Variants in FAM178B observed in about 807,000 individuals in gnomAD.
FAM178B encodes family with sequence similarity 178 member B.
In FAM178B, 82 loss-of-function variants were observed where a neutral mutation model predicts 91.7. The observed-to-expected ratio is 0.89, with a 90% CI of 0.75 to 1.07. FAM178B has a LOEUF of 1.07. FAM178B is among the 50% of genes least tolerant of loss of function. The pLI, the probability that FAM178B is intolerant of heterozygous loss-of-function variation, is 0.00. For missense variants in FAM178B, 769 were observed against 846.7 expected (o/e 0.91, Z 1.14); for synonymous variants, 368 against 359.4 (o/e 1.02, Z -0.27).
At chr2:96,883,488 C>T (rs953631232) in intron 14 of FAM178B, among the ~76,000 whole-genome samples, 3 of 152,210 alleles carry the variant, frequency 2.0e-5, no homozygotes, top group African/African-American at 4.8e-5. Context: ...GTCTTAACCC[C>T]GGGCAAGTCT....
rs914418574 is a variant in FAM178B, at chr2:96,935,063, C to T, written c.1079-5743G>A. On this transcript the variant is annotated intron_variant, in intron 8 of 16. Transcript: ENST00000490605. Reference sequence around the variant, plus strand: ...ACCTAATACCAGCAAGCACTCGAGGCCCCCGGTATGCGTGACAGAGCGACA... The same window carrying T: ...ACCTAATACCAGCAAGCACTCGAGGTCCCCGGTATGCGTGACAGAGCGACA... Among the ~76,000 whole-genome samples the T allele has an allele frequency of 4.6e-5, 7 of 152,178 alleles. No individual in the cohort carries two copies. The South Asian group carries it at 6.2e-4, about 13-fold the overall frequency.
Position 96,967,576 on chromosome 2 carries a change from G to T in FAM178B, c.678C>A (p.Leu226=). 6.4e-7 allele frequency: 1 copy of T among 1,550,672 alleles called. No individual in the cohort carries two copies. The highest frequency in any genetic ancestry group is 8.7e-7 in the Non-Finnish European group (1 of 1,146,924). Residue 226 remains leucine, a synonymous_variant, in exon 5 of 17, where the codon CTC becomes CTA. Transcript: ENST00000490605. The stretch of plus-strand genomic sequence containing the variant: ...CATCAAGATCCAAGGAGTTGAGATT[G>T]AGACACTCCTGCAGAAGCAGCCTCT... The part of the protein sequence containing the change: ...ERERLLLQEC[L]NLNSLDLDEE...
At chr2:96,959,401 C>T (rs138516114) in intron 6 of FAM178B, among the ~76,000 whole-genome samples, 16 of 152,202 alleles carry the variant, frequency 1.1e-4, no homozygotes, top group African/African-American at 3.9e-4. Flanking sequence ...GGAAGCATAT[C>T]AGAATGTTAA....
chr2:96,978,373 T>C (rs185947746), intron 1 of FAM178B, among the ~76,000 whole-genome samples: 261 of 152,298 alleles, frequency 1.7e-3, no homozygotes, highest in Non-Finnish European at 1.2e-3. Flanking sequence ...AGGTTTCGGC[T>C]TTTAGTGTGC....
At chr2:96,960,535 G>T (rs978439054) in intron 5 of FAM178B, 95 bp from the exon 6 acceptor site, 11 of 1,382,558 alleles carry the variant, frequency 8.0e-6, no homozygotes, top group Admixed American at 2.7e-5. Context: ...GGGGGGCCAC[G>T]GGCTCCCTGC....
intron 8 of FAM178B, among the ~76,000 whole-genome samples, chr2:96,931,938 G>A (rs2081547153): frequency 6.6e-6 from 1 of 151,868 alleles, no homozygotes; most frequent in African/African-American, 2.4e-5. Context: ...CAAACGAGCT[G>A]GGAAGAATGA....
chr2:96,974,691 G>T (rs1320453749), intron 1 of FAM178B, among the ~76,000 whole-genome samples: 1 of 152,090 alleles, frequency 6.6e-6, no homozygotes, highest in Admixed American at 6.6e-5. Flanking sequence ...AGTACTAAAA[G>T]AAAGCTCGGG....
intron 12 of FAM178B, among the ~76,000 whole-genome samples, chr2:96,905,849 TA>T (rs2081036634): frequency 2.1e-4 from 6 of 27,926 alleles, no homozygotes; most frequent in Admixed American, 6.8e-4. Context: ...TATATATATA[TA>T]TATATATATA....
chr2:96,979,632 C>T (rs1187922890), intron 1 of FAM178B, among the ~76,000 whole-genome samples: 1 of 152,142 alleles, frequency 6.6e-6, no homozygotes. Context: ...ATTTATCTTC[C>T]TTCAGGAAGA....
intron 5 of FAM178B, among the ~76,000 whole-genome samples, chr2:96,967,206 A>C (rs1000337254): frequency 1.4e-5 from 2 of 139,120 alleles, no homozygotes; most frequent in Non-Finnish European, 3.1e-5. Flanking sequence ...GATTTCATTT[A>C]GATTGTGGTT....
intron 1 of FAM178B, among the ~76,000 whole-genome samples, chr2:96,984,025 A>C (rs1425804461): frequency 6.6e-6 from 1 of 152,102 alleles, no homozygotes; most frequent in Non-Finnish European, 1.5e-5. Flanking sequence ...GCTGGAGTGT[A>C]ATGGCACAAT....
chr2:96,905,114 G>C (rs2081006060), intron 12 of FAM178B, among the ~76,000 whole-genome samples: 1 of 151,756 alleles, frequency 6.6e-6, no homozygotes, highest in Non-Finnish European at 1.5e-5. Context: ...ATGACCCTGG[G>C]GTGGGGGTGG....
chr2:96,936,844 AG>A (rs2081640699), intron 8 of FAM178B, among the ~76,000 whole-genome samples: 1 of 151,536 alleles, frequency 6.6e-6, no homozygotes, highest in African/African-American at 2.4e-5. Context: ...TAACAACAGG[AG>A]GGGGGTCTCC....
In FAM178B at chr2:96,920,821, A is replaced by C. The variant is rs558244373; in HGVS notation, c.1562+344T>G. Reference sequence around the variant, plus strand: ...CAGAAGGATGAATCGAGAGTGTGCGAGTGGGAGTCGGGTGATCAGGGGACA... The same window carrying C: ...CAGAAGGATGAATCGAGAGTGTGCGCGTGGGAGTCGGGTGATCAGGGGACA... On this transcript the variant is annotated intron_variant, in intron 12 of 16. Transcript: ENST00000490605. Among the ~76,000 whole-genome samples the C allele has an allele frequency of 1.7e-3, 251 of 151,348 alleles. 2 individuals carry two copies. Among genetic ancestry groups the C allele is most frequent in the Non-Finnish European group, 2.5e-4 (17 of 68,006 alleles).
At chr2:96,920,261 CT>C (rs915071617) in intron 12 of FAM178B, among the ~76,000 whole-genome samples, 1 of 152,154 alleles carries the variant, frequency 6.6e-6, no homozygotes, top group African/African-American at 2.4e-5. Context: ...GCCAATGGGC[CT>C]TATCTCCTCC....
intron 8 of FAM178B, among the ~76,000 whole-genome samples, chr2:96,933,911 C>T (rs1398236718): frequency 2.0e-5 from 3 of 152,198 alleles, no homozygotes; most frequent in East Asian, 1.9e-4. Context: ...ACAATGTTTA[C>T]GGGAGGCTTA....
In FAM178B at chr2:96,969,055, G is replaced by A. The variant is rs369876551; in HGVS notation, c.627-1428C>T. ...ACATCTGGGAGCCTTTTCCGACTCCGGGTTAAGTTAGGTGTCACTCTTCTG... is the reference window on the plus strand; with the variant it reads ...ACATCTGGGAGCCTTTTCCGACTCCAGGTTAAGTTAGGTGTCACTCTTCTG... On this transcript the variant is annotated intron_variant, in intron 4 of 16. Transcript: ENST00000490605. Among the ~76,000 whole-genome samples, 41 of 152,310 alleles carry A rather than the reference G, an allele frequency of 2.7e-4. 1 individual carries two copies. In the East Asian group the frequency reaches 5.2e-3, roughly 19 times the overall value.
intron 12 of FAM178B, among the ~76,000 whole-genome samples, chr2:96,913,934 G>C (rs1017925210): frequency 6.6e-6 from 1 of 152,210 alleles, no homozygotes; most frequent in Non-Finnish European, 1.5e-5. Flanking sequence ...CGAGGAAGAC[G>C]CCTCCTCAAC....
chr2:96,943,111 A>G (rs2081761650), intron 8 of FAM178B, among the ~76,000 whole-genome samples: 2 of 152,208 alleles, frequency 1.3e-5, no homozygotes, highest in Admixed American at 6.5e-5. Flanking sequence ...TAATTTTGAC[A>G]CCACAAAAGA....
Sources: allele counts gnomAD v4.1 joint callset (sites outside exome capture counted in the v4.1 genomes callset), GRCh38; gene constraint gnomAD v4.1.1; transcripts MANE v1.5; gene names NCBI Gene and HGNC (gene_info 2026-07-23, HGNC 2026-07-21).